Variants in AMOTL1 observed in about 807,000 individuals in gnomAD.
The protein encoded by AMOTL1 is angiomotin-like protein 1.
In AMOTL1, 45 loss-of-function variants were observed where a neutral mutation model predicts 102.9. The observed-to-expected ratio is 0.44, with a 90% CI of 0.34 to 0.56. AMOTL1 has a LOEUF of 0.56. AMOTL1 is among the 20% of genes least tolerant of loss of function. AMOTL1 has a pLI of 0.01. For missense variants in AMOTL1, 1,114 were observed against 1,225.6 expected, an observed-to-expected ratio of 0.91 and a Z score of 1.36; for synonymous variants, 481 against 484.7, an observed-to-expected ratio of 0.99 and a Z score of 0.10.
chr11:94,783,109 A>C (rs1488338102), intron 1 of AMOTL1, among the ~76,000 whole-genome samples: 1 of 152,228 alleles, frequency 6.6e-6, no homozygotes, highest in Admixed American at 6.5e-5. Flanking sequence ...CTGTTGCTAC[A>C]GTGGCAAAAG....
chr11:94,725,907 G>A (rs1055023794), intron 1 of AMOTL1, among the ~76,000 whole-genome samples: 4 of 152,126 alleles, frequency 2.6e-5, no homozygotes, highest in African/African-American at 9.7e-5. Context: ...GATCAGATGC[G>A]TGCTTTAAAA....
chr11:94,743,390 G>T (rs1437359077), intron 3 of AMOTL1, among the ~76,000 whole-genome samples: 1 of 152,212 alleles, frequency 6.6e-6, no homozygotes, highest in Admixed American at 6.5e-5. Context: ...TGACAGGGCA[G>T]CTCTCTGGAT....
chr11:94,740,496 G>A (rs1950503880), intron 2 of AMOTL1: 1 of 151,852 alleles, frequency 6.6e-6, no homozygotes, highest in Non-Finnish European at 1.5e-5. Flanking sequence ...GTGGGCGAGG[G>A]GTGCTCGCCG....
chr11:94,781,849 A>G (rs991649805), intron 1 of AMOTL1, among the ~76,000 whole-genome samples: 2 of 152,128 alleles, frequency 1.3e-5, no homozygotes, highest in African/African-American at 4.8e-5. Context: ...GAAGAAAAAA[A>G]AAAAAAGAAA....
intron 4 of AMOTL1, among the ~76,000 whole-genome samples, chr11:94,822,571 A>G (rs1176337571): frequency 6.6e-6 from 1 of 152,204 alleles, no homozygotes; most frequent in Non-Finnish European, 1.5e-5. Context: ...TTGCCTCAAC[A>G]TGAGAGGGTC....
intron 3 of AMOTL1, among the ~76,000 whole-genome samples, chr11:94,817,105 A>G (rs1019182369): frequency 6.6e-6 from 1 of 152,198 alleles, no homozygotes. Flanking sequence ...TTAAAATTTA[A>G]TAAATTTACT....
intron 1 of AMOTL1, among the ~76,000 whole-genome samples, chr11:94,789,455 G>C (rs528118255): frequency 6.6e-6 from 1 of 152,136 alleles, no homozygotes; most frequent in African/African-American, 2.4e-5. Context: ...CACCGTGCCC[G>C]GCACTGTTTC....
At chr11:94,746,153 A>T (rs986877274) in intron 3 of AMOTL1, among the ~76,000 whole-genome samples, 7 of 152,344 alleles carry the variant, frequency 4.6e-5, no homozygotes, top group African/African-American at 1.7e-4. Context: ...ATTTTTTAAA[A>T]GGCAGTAGAG....
At chr11:94,764,424 T>C (rs565688000), upstream of AMOTL1, among the ~76,000 whole-genome samples, 1 of 152,338 alleles carries the variant, frequency 6.6e-6, no homozygotes, top group South Asian at 2.1e-4. Flanking sequence ...GTGCTTGAAA[T>C]TGAACTTAAA....
chr11:94,860,140 C>T (rs1438837958), intron 9 of AMOTL1, among the ~76,000 whole-genome samples: 1 of 152,112 alleles, frequency 6.6e-6, no homozygotes, highest in African/African-American at 2.4e-5. Flanking sequence ...ATTTAAGGCA[C>T]TTTTTAATGC....
chr11:94,767,429 G>T (rs1168972723), upstream of AMOTL1, among the ~76,000 whole-genome samples: 1 of 152,156 alleles, frequency 6.6e-6, no homozygotes, highest in Non-Finnish European at 1.5e-5. Context: ...ACAATCCAGG[G>T]AGGAGTCCCT....
intron 3 of AMOTL1, among the ~76,000 whole-genome samples, chr11:94,756,647 C>A (rs1246543092): frequency 6.6e-6 from 1 of 152,184 alleles, no homozygotes; most frequent in Non-Finnish European, 1.5e-5. Flanking sequence ...CAGAATAAGT[C>A]TATTCCTCAT....
upstream of AMOTL1, among the ~76,000 whole-genome samples, chr11:94,767,654 G>C (rs567039939): frequency 3.3e-4 from 51 of 152,338 alleles, no homozygotes; most frequent in South Asian, 0.01. Flanking sequence ...AGAGCCGCCA[G>C]TATAAACCAA....
chr11:94,761,677 G>T (rs1181120789), intron 3 of AMOTL1, among the ~76,000 whole-genome samples: 2 of 152,112 alleles, frequency 1.3e-5, no homozygotes, highest in African/African-American at 4.8e-5. Flanking sequence ...TTTAAGACAT[G>T]AATTTTAACT....
chr11:94,814,933 C>T (rs1951741111), intron 3 of AMOTL1, among the ~76,000 whole-genome samples: 1 of 152,172 alleles, frequency 6.6e-6, no homozygotes, highest in Admixed American at 6.5e-5. Context: ...CCCCCTAATA[C>T]AGAGCTTAGC....
At chr11:94,819,996 T>C (rs11020949) in intron 3 of AMOTL1, among the ~76,000 whole-genome samples, 54,085 of 151,958 alleles carry the variant, frequency 0.36, 11,339 homozygotes, top group African/African-American at 0.55. Context: ...GTATTTGAGC[T>C]ATGAAGGGAC....
chr11:94,736,251 T>G (rs917254652), intron 2 of AMOTL1, among the ~76,000 whole-genome samples: 3 of 152,108 alleles, frequency 2.0e-5, no homozygotes, highest in African/African-American at 2.4e-5. Context: ...GAACATTTAT[T>G]TATGTATGTA....
intron 1 of AMOTL1, among the ~76,000 whole-genome samples, chr11:94,776,524 T>A (rs1951027365): frequency 6.6e-6 from 1 of 152,218 alleles, no homozygotes; most frequent in Non-Finnish European, 1.5e-5. Context: ...CTTCTCAGAA[T>A]AGGCCCAGCA....
intron 9 of AMOTL1, among the ~76,000 whole-genome samples, chr11:94,860,421 A>C (rs914536983): frequency 5.3e-5 from 8 of 152,176 alleles, no homozygotes; most frequent in African/African-American, 1.7e-4. Context: ...TTGTAGGTGT[A>C]TGGCTTATTC....
Sources: allele counts gnomAD v4.1 joint callset (sites outside exome capture counted in the v4.1 genomes callset), GRCh38; gene constraint gnomAD v4.1.1; transcripts MANE v1.5; gene names NCBI Gene and HGNC (gene_info 2026-07-23, HGNC 2026-07-21).